Variants in ERCC2 observed in about 807,000 individuals in gnomAD.
ERCC2 encodes ERCC excision repair 2, TFIIH core complex helicase subunit.
A neutral mutation model predicts 99.4 loss-of-function variants in ERCC2; 90 were observed. That is an observed-to-expected ratio of 0.91 (90% confidence interval 0.76 to 1.08). The LOEUF is 1.08. ERCC2 is among the 50% of genes least tolerant of loss of function. The pLI is 0.00. For missense variants in ERCC2, 993 were observed against 1,038.1 expected, an observed-to-expected ratio of 0.96 and a Z score of 0.60; for synonymous variants, 497 against 432.4, an observed-to-expected ratio of 1.15 and a Z score of -1.85.
chr19:45,360,768 C>G (rs1483119338), intron 12 of ERCC2, among the ~76,000 whole-genome samples: 3 of 152,140 alleles, frequency 2.0e-5, no homozygotes, highest in Non-Finnish European at 2.9e-5. Context: ...ATCTGCCTGC[C>G]TAACCATTCC....
chr19:45,355,940 C>T (rs965841031), intron 15 of ERCC2, among the ~76,000 whole-genome samples: 3 of 152,072 alleles, frequency 2.0e-5, no homozygotes, highest in African/African-American at 7.2e-5. Context: ...CAAGCATGAG[C>T]CACCACACCC....
chr19:45,357,799 TC>T, intron 12 of ERCC2, 100 bp from the exon 13 acceptor site: 1 of 1,070,078 alleles, frequency 9.3e-7, no homozygotes, highest in Non-Finnish European at 1.4e-6. Flanking sequence ...CACCCCAATC[TC>T]CACCCCGTAC....
rs567890488 is a variant in ERCC2, at chr19:45,351,864, C to T, written c.2191-143G>A. 302 of 747,116 alleles carry T rather than the reference C, an allele frequency of 4.0e-4. 1 individual carries two copies. The highest frequency in any genetic ancestry group is 2.6e-3 in the Middle Eastern group (7 of 2,652). 46.3% of individuals were successfully genotyped at this position (747,116 alleles called of 1,614,324 possible). ...TTGGAGATGTCCGTATAATCCAGAG[C>T]GGGCCATCCCTGTCAACATAAGATG... On this transcript the variant is annotated intron_variant, in intron 22 of 22. Transcript: ENST00000391945.
At chr19:45,358,486 G>A in intron 12 of ERCC2, 1 of 305,112 alleles carries the variant, frequency 3.3e-6, no homozygotes, top group Non-Finnish European at 6.2e-6. Context: ...AGGGACCCTA[G>A]GGAAACCTGA....
At chr19:45,352,010 G>A (rs1468562187) in intron 22 of ERCC2, among the ~76,000 whole-genome samples, 199 bp downstream of exon 22, 2 of 152,158 alleles carry the variant, frequency 1.3e-5, no homozygotes, top group African/African-American at 4.8e-5. Flanking sequence ...TGCCGTGCCT[G>A]GGCCACCTGC....
intron 19 of ERCC2, 105 bp from the exon 20 acceptor site, chr19:45,352,921 G>A (rs1365738998): frequency 1.4e-5 from 17 of 1,253,720 alleles, no homozygotes; most frequent in Admixed American, 5.3e-5. Context: ...GGGGGAGAGG[G>A]TGTGTTCCCG....
Position 45,370,167 on chromosome 19 carries a change from TAGG to T in ERCC2, c.68_70del (p.Ser23del), listed in dbSNP as rs886054500. The stretch of plus-strand genomic sequence containing the variant: ...CAGCGTGCGTTTGAGCTCCCGCATG[TAGG>T]AGAACTGCTCGGGGTAGATGTAGTC... On this transcript the variant is annotated inframe_deletion, in exon 2 of 23. Coordinates refer to ENST00000391945, the MANE Select transcript of ERCC2 (RefSeq NM_000400.4). 5 of 1,613,284 alleles carry T rather than the reference TAGG, an allele frequency of 3.1e-6. No homozygotes were observed. The highest frequency in any genetic ancestry group is 1.1e-5 in the South Asian group (1 of 91,084).
At chr19:45,364,988 C>T (rs1181236223) in intron 6 of ERCC2, 34 bp from the exon 7 acceptor site, 1 of 1,609,304 alleles carries the variant, frequency 6.2e-7, no homozygotes, top group Non-Finnish European at 8.5e-7. Context: ...AGGGAGGCTG[C>T]CTGCCCCAGG....
chr19:45,370,490 A>AC lies in ERCC2; in HGVS notation c.5+45dup, dbSNP rs528646384. Reference sequence around the variant, plus strand: ...GCCCACCGATGACCCCATCTTCAAGACCCCCCGCGCCCGCTAGCGAGCGCG... The same window carrying AC: ...GCCCACCGATGACCCCATCTTCAAGACCCCCCCGCGCCCGCTAGCGAGCGCG... On this transcript the variant is annotated intron_variant, in intron 1 of 22. Coordinates refer to ENST00000391945, the MANE Select transcript of ERCC2 (RefSeq NM_000400.4). 1,128 of 1,520,238 alleles carry AC rather than the reference A, an allele frequency of 7.4e-4. 6 individuals carry two copies. The highest frequency in any genetic ancestry group is 6.9e-3 in the South Asian group (576 of 82,956). 94.2% of individuals were successfully genotyped at this position (1,520,238 alleles called of 1,614,324 possible).
intron 17 of ERCC2, among the ~76,000 whole-genome samples, chr19:45,354,030 A>G (rs1177104748): frequency 6.6e-6 from 1 of 152,180 alleles, no homozygotes; most frequent in East Asian, 1.9e-4. Flanking sequence ...CTATTGAAGC[A>G]CAAGGCCGAT....
chr19:45,350,354 T>C lies in ERCC2; in HGVS notation c.*1275A>G. The C allele has an allele frequency of 6.2e-7, 1 of 1,612,982 alleles. No individual in the cohort carries two copies. The highest frequency in any genetic ancestry group is 8.5e-7 in the Non-Finnish European group (1 of 1,179,886). On this transcript the variant is annotated 3_prime_UTR_variant, in exon 23 of 23. Coordinates refer to ENST00000391945, the MANE Select transcript of ERCC2 (RefSeq NM_000400.4). Reference sequence around the variant, plus strand: ...CCTTCTCCGCAGGCCTCAGCCTACCTGAAACAGAACAAGTATCAACAAGCG... The same window carrying C: ...CCTTCTCCGCAGGCCTCAGCCTACCCGAAACAGAACAAGTATCAACAAGCG...
intron 11 of ERCC2, among the ~76,000 whole-genome samples, chr19:45,362,485 C>T (rs965462358): frequency 4.6e-5 from 7 of 152,244 alleles, no homozygotes; most frequent in Non-Finnish European, 1.0e-4. Flanking sequence ...GCCACAACCA[C>T]ACACAGGCAG....
In ERCC2 at chr19:45,352,628, C is replaced by A. The variant is rs780605359; in HGVS notation, c.1924G>T (p.Asp642Tyr). 2 of 1,613,910 alleles carry A rather than the reference C, an allele frequency of 1.2e-6. No homozygotes were observed. The highest frequency in any genetic ancestry group is 1.1e-5 in the South Asian group (1 of 91,078). Residue 642 changes from aspartate to tyrosine, a missense_variant, in exon 21 of 23, where the codon GAC becomes TAC. Coordinates refer to ENST00000391945, the MANE Select transcript of ERCC2 (RefSeq NM_000400.4). The part of the protein sequence containing the change: ...ILKARLEYLR[D>Y]QFQIRENDFL... ...TCATTCTCACGAATCTGGAACTGGT[C>A]CCGCAGGTATTCCAGCCGCGCCTGC...
In ERCC2 at chr19:45,367,364, TATATACACACACACACACACACAC is replaced by T. The variant is rs1449636723; in HGVS notation, c.360+1242_360+1265del. Among the ~76,000 whole-genome samples the T allele has an allele frequency of 3.8e-3, 385 of 102,268 alleles. 1 individual carries two copies. Among genetic ancestry groups the T allele is most frequent in the Middle Eastern group, 0.011 (2 of 184 alleles). 67.1% of individuals were successfully genotyped at this position (102,268 alleles called of 152,430 possible). On this transcript the variant is annotated intron_variant, in intron 5 of 22. Transcript: ENST00000391945. ...ACAAAACAAAACAAAAATATATATA[TATATACACACACACACACACACAC>T]ACACACACACACATATAAAAACATA...
chr19:45,358,613 C>T, intron 12 of ERCC2: 3 of 544,750 alleles, frequency 5.5e-6, no homozygotes, highest in South Asian at 2.0e-5. Flanking sequence ...CCCCCCAGGG[C>T]CTTTATACTT....
chr19:45,370,312 G>C, intron 1 of ERCC2, 80 bp from the exon 2 acceptor site: 2 of 1,573,440 alleles, frequency 1.3e-6, no homozygotes, highest in Non-Finnish European at 1.7e-6. Flanking sequence ...GTCGAGCCCA[G>C]AGAAGGGTGA....
chr19:45,350,103 G>A lies in ERCC2; in HGVS notation c.*1526C>T, dbSNP rs762249085. ...TGCCCCAGGGCAAGGCTTTAGGCAG[G>A]GGAAGGATACGGCCAGGTCAGCACA... On this transcript the variant is annotated 3_prime_UTR_variant, in exon 23 of 23. Transcript: ENST00000391945. 104 of 542,514 alleles carry A rather than the reference G, an allele frequency of 1.9e-4. No homozygotes were observed. The highest frequency in any genetic ancestry group is 1.5e-3 in the Middle Eastern group (3 of 2,000). The allele number at this position is 542,514 out of a possible 1,614,324, so 33.6% of individuals were successfully genotyped here.
At chr19:45,353,373 C>T (rs1011176399) in intron 17 of ERCC2, 39 bp from the exon 18 acceptor site, 7 of 1,416,164 alleles carry the variant, frequency 4.9e-6, no homozygotes, top group East Asian at 2.3e-5. Flanking sequence ...GGGTTCAGGG[C>T]ACAGCCATCC....
intron 5 of ERCC2, 83 bp from the exon 6 acceptor site, chr19:45,365,241 G>A: frequency 4.7e-6 from 5 of 1,063,292 alleles, no homozygotes; most frequent in Non-Finnish European, 7.3e-6. Flanking sequence ...CCTCCCAGCT[G>A]GCTGGGGTTT....
Sources: allele counts gnomAD v4.1 joint callset (sites outside exome capture counted in the v4.1 genomes callset), GRCh38; gene constraint gnomAD v4.1.1; transcripts MANE v1.5; gene names NCBI Gene and HGNC (gene_info 2026-07-23, HGNC 2026-07-21).